Variants in RYR1 observed in about 807,000 individuals in gnomAD.
RYR1 encodes central core disease of muscle.
Under a neutral mutation model 583.5 loss-of-function variants are expected in RYR1, and 342 were observed. The ratio of observed to expected loss-of-function variants is 0.59; its 90% CI spans 0.54 to 0.64. The LOEUF (loss-of-function observed/expected upper bound fraction) is 0.64. Ranked by LOEUF, RYR1 falls within the 30% of genes least tolerant of loss-of-function variation. The pLI, the probability that RYR1 is intolerant of heterozygous loss-of-function variation, is 0.00. For synonymous variants in RYR1, 2,791 were observed against 2,822.5 expected, an observed-to-expected ratio of 0.99 and a Z score of 0.35; for missense variants, 6,032 against 6,917.2, an observed-to-expected ratio of 0.87 and a Z score of 4.54.
At chr19:38,542,710 G>A (rs1337984699) in intron 84 of RYR1, among the ~76,000 whole-genome samples, 2 of 151,790 alleles carry the variant, frequency 1.3e-5, no homozygotes, top group Non-Finnish European at 1.5e-5. Context: ...TAGTAGAGAC[G>A]GGATTTCACC....
chr19:38,477,726 G>A lies in RYR1; in HGVS notation c.4310G>A (p.Arg1437Lys), dbSNP rs1568474736. 1 of 1,614,160 alleles carries A rather than the reference G, an allele frequency of 6.2e-7. No individual in the cohort carries two copies. The highest frequency in any genetic ancestry group is 1.3e-5 in the African/African-American group (1 of 75,038). ...LNTTTYYYSVRVFAGQEPSCV... is the reference protein window; with the variant it reads ...LNTTTYYYSVKVFAGQEPSCV... ...TGTCACCAGTACTATTACTCCGTGAGGGTCTTTGCTGGACAGGAGCCCAGC... is the reference window on the plus strand; with the variant it reads ...TGTCACCAGTACTATTACTCCGTGAAGGTCTTTGCTGGACAGGAGCCCAGC... The change falls in exon 30 of 106, where the codon AGG becomes AAG. Residue 1437 changes from arginine to lysine, a missense_variant. By Grantham distance (26) the Arg-to-Lys change is conservative (BLOSUM62 2). This residue lies in a region of RYR1 where 2,627 missense variants were observed against 2,961.3 expected (regional missense o/e 0.89). Transcript: ENST00000359596.
At chr19:38,571,812 C>T (rs1973727484) in intron 94 of RYR1, among the ~76,000 whole-genome samples, 1 of 152,202 alleles carries the variant, frequency 6.6e-6, no homozygotes, top group South Asian at 2.1e-4. Context: ...GTCTTCAGTT[C>T]TGTGCCACTC....
chr19:38,465,293 C>T (rs1968034178), intron 23 of RYR1, among the ~76,000 whole-genome samples: 1 of 151,038 alleles, frequency 6.6e-6, no homozygotes, highest in East Asian at 2.0e-4. Context: ...CATGGTGAGA[C>T]CCCTCTACAA....
In RYR1 at chr19:38,494,404, C is replaced by T. The variant is rs768182271; in HGVS notation, c.6327C>T (p.Asp2109=). 1 of 1,612,044 alleles carries T rather than the reference C, an allele frequency of 6.2e-7. No individual in the cohort carries two copies. The highest frequency in any genetic ancestry group is 8.5e-7 in the Non-Finnish European group (1 of 1,180,020). Reference sequence around the variant, plus strand: ...TGGTGGTGCGCTGGGCCCAAGAGGACTTCGTGCAGAGCCCCGAGCTGGTGC... The same window carrying T: ...TGGTGGTGCGCTGGGCCCAAGAGGATTTCGTGCAGAGCCCCGAGCTGGTGC... The part of the protein sequence containing the change: ...SHMVVRWAQE[D]FVQSPELVRA... The change falls in exon 39 of 106, where the codon GAC becomes GAT. Residue 2109 remains aspartate (D), a synonymous_variant. Transcript: ENST00000359596.
At chr19:38,463,575 CCAGGAGGGAGAGCGG>C (rs1967907612) in intron 21 of RYR1, 48 bp downstream of exon 21, 1 of 1,573,880 alleles carries the variant, frequency 6.4e-7, no homozygotes, top group African/African-American at 1.3e-5. Context: ...ACTTGCGGTG[CCAGGAGGGAGAGCGG>C]CTCACCGGCG....
chr19:38,499,555 G>A lies in RYR1; in HGVS notation c.7028-80G>A. ...CTGGATGGGACCTGTGTTACCCCTG[G>A]AGGTGTTGGGTCCTGGGGCTGCATG... On this transcript the variant is annotated intron_variant, in intron 43 of 105. Transcript: ENST00000359596. This position sits in a 1 kb window ranked among gnomAD's most constrained non-coding sequence, Gnocchi z 7.3. 6.7e-7 allele frequency: 1 copy of A among 1,491,998 alleles called. No individual in the cohort carries two copies. The highest frequency in any genetic ancestry group is 9.1e-7 in the Non-Finnish European group (1 of 1,093,124). The allele number at this position is 1,491,998 out of a possible 1,614,324, so 92.4% of individuals were successfully genotyped here.
Position 38,500,989 on chromosome 19 carries a change from C to T in RYR1, c.7613C>T (p.Thr2538Met), listed in dbSNP as rs575446156. The T allele has an allele frequency of 1.4e-5, 22 of 1,612,930 alleles. No homozygotes were observed. Among genetic ancestry groups the T allele is most frequent in the Admixed American group, 1.0e-4 (6 of 59,942 alleles). Residue 2538 changes from threonine (T) to methionine (M), a missense_variant and splice_region_variant, in exon 47 of 106, where the codon ACG (threonine) becomes ATG (methionine). Transcript: ENST00000359596. The surrounding 1 kb of genome is among the most constrained non-coding windows in gnomAD (Gnocchi z 5.9). ...ATGAGGGCAGCCGCCTCGCTGGACA[C>T]GGTGAGCAACCCTGCCCAGCCTGGC... Reference protein sequence around the residue: ...PDMRAAASLDTATFSTTEMAL... With the variant: ...PDMRAAASLDMATFSTTEMAL...
At chr19:38,478,282 G>A (rs535610079) in intron 30 of RYR1, among the ~76,000 whole-genome samples, 153 bp from the exon 31 acceptor site, 4 of 152,174 alleles carry the variant, frequency 2.6e-5, no homozygotes, top group South Asian at 2.1e-4. Flanking sequence ...CTCAGTGTCC[G>A]GGGCGAGGGG....
In RYR1 at chr19:38,496,526, A is replaced by G. The variant is rs1198125173; in HGVS notation, c.6781A>G (p.Ser2261Gly). ...CCACCTGAGCTACCTGCTGGAGAAC[A>G]GTGGCATCGGCCTGGGTGAGAACCC... ...FDHLSYLLEN[S>G]GIGLGMQGST... Residue 2261 changes from serine (S) to glycine (G), a missense_variant, in exon 41 of 106, where the codon AGT becomes GGT. This residue lies in a region of RYR1 where 2,627 missense variants were observed against 2,961.3 expected (regional missense o/e 0.89). Coordinates refer to ENST00000359596, the MANE Select transcript of RYR1 (RefSeq NM_000540.3). The surrounding 1 kb of genome is among the most constrained non-coding windows in gnomAD (Gnocchi z 4.8). 2 of 1,613,328 alleles carry G rather than the reference A, an allele frequency of 1.2e-6. No homozygotes were observed. The highest frequency in any genetic ancestry group is 1.7e-6 in the Non-Finnish European group (2 of 1,180,030).
At chr19:38,559,020 C>CG (rs1973004386) in intron 89 of RYR1, among the ~76,000 whole-genome samples, 1 of 151,942 alleles carries the variant, frequency 6.6e-6, no homozygotes, top group African/African-American at 2.4e-5. Context: ...ACCCAGGAGG[C>CG]GGAGGCTGCA....
chr19:38,567,687 G>A (rs1021492875), intron 92 of RYR1, 86 bp from the exon 93 acceptor site: 23 of 1,601,652 alleles, frequency 1.4e-5, no homozygotes, highest in East Asian at 4.5e-5. Context: ...GGCACAGGGC[G>A]GGCCCTTGGT....
chr19:38,465,048 G>T (rs1968021364), intron 23 of RYR1, among the ~76,000 whole-genome samples: 1 of 152,124 alleles, frequency 6.6e-6, no homozygotes, highest in African/African-American at 2.4e-5. Context: ...TGAGAATCTG[G>T]AGGTCGTTGG....
chr19:38,567,708 G>A, intron 92 of RYR1, 65 bp from the exon 93 acceptor site: 1 of 1,612,388 alleles, frequency 6.2e-7, no homozygotes, highest in Admixed American at 1.7e-5. Flanking sequence ...GAATGGTTTT[G>A]AATGAATGAA....
At chr19:38,492,115 A>G (rs965544371) in intron 37 of RYR1, among the ~76,000 whole-genome samples, 2 of 152,172 alleles carry the variant, frequency 1.3e-5, no homozygotes, top group African/African-American at 2.4e-5. Context: ...CAATCCCGGC[A>G]TTTTGGGAGG....
intron 11 of RYR1, among the ~76,000 whole-genome samples, chr19:38,450,429 G>A (rs1429418359): frequency 6.6e-6 from 1 of 152,124 alleles, no homozygotes; most frequent in East Asian, 1.9e-4. Flanking sequence ...CCCAAGGTTT[G>A]TGGTCTCACA....
At position 38,512,218 on chromosome 19, in the gene RYR1, G is replaced by T. The variant is rs1281770583; in HGVS notation, c.9234-27G>T. On this transcript the variant is annotated intron_variant, in intron 62 of 105. Transcript: ENST00000359596. This position sits in a 1 kb window ranked among gnomAD's most constrained non-coding sequence, Gnocchi z 5.1. Reference sequence around the variant, plus strand: ...GTCTCCTAGACTCTCCGATTCCAGAGCTGATGTTCCCCCGCTGCCCTTCTA... The same window carrying T: ...GTCTCCTAGACTCTCCGATTCCAGATCTGATGTTCCCCCGCTGCCCTTCTA... The T allele has an allele frequency of 6.2e-7, 1 of 1,614,120 alleles. No homozygotes were observed. The highest frequency in any genetic ancestry group is 8.5e-7 in the Non-Finnish European group (1 of 1,179,962).
chr19:38,467,777 G>A lies in RYR1; in HGVS notation c.3346G>A (p.Ala1116Thr), dbSNP rs763044626. ...PELRPDVELG[A>T]DELAYVFNGH... ...GCTGAGGCCTGATGTAGAGCTGGGA[G>A]CTGACGAGCTGGCCTATGTCTTCAA... The change falls in exon 25 of 106, where the codon GCT becomes ACT. Residue 1116 changes from alanine (A) to threonine (T), a missense_variant. Coordinates refer to ENST00000359596, the MANE Select transcript of RYR1 (RefSeq NM_000540.3). 2 of 1,614,184 alleles carry A rather than the reference G, an allele frequency of 1.2e-6. No homozygotes were observed. Among genetic ancestry groups the A allele is most frequent in the Non-Finnish European group, 1.7e-6 (2 of 1,180,042 alleles).
At chr19:38,567,306 A>G (rs1043054806) in intron 92 of RYR1, among the ~76,000 whole-genome samples, 6 of 152,110 alleles carry the variant, frequency 3.9e-5, no homozygotes, top group South Asian at 4.1e-4. Flanking sequence ...AGCCTGGGTG[A>G]CAGAGCAAGA....
chr19:38,549,875 T>TGTG (rs1972589062), intron 89 of RYR1, among the ~76,000 whole-genome samples: 20 of 122,188 alleles, frequency 1.6e-4, no homozygotes, highest in Non-Finnish European at 2.8e-4. Flanking sequence ...CCAGCTAAAT[T>TGTG]TGTGTGTGTG....
Sources: gnomAD v4.1 joint callset for allele counts (sites outside exome capture counted in the v4.1 genomes callset) on GRCh38, gnomAD v4.1.1 for gene constraint, gnomAD v4.1.1 regional missense constraint, Gnocchi (gnomAD v3.1) non-coding constraint, MANE v1.5 for transcripts, NCBI Gene and HGNC (gene_info 2026-07-23, HGNC 2026-07-21) for gene names.